LGR6: variants seen among roughly 807,000 people sequenced by gnomAD.
The protein encoded by LGR6 is leucine rich repeat containing G protein-coupled receptor 6, also known as leucine-rich repeat-containing G protein-coupled receptor 6.
LGR6 carries 45 observed loss-of-function variants against 69.4 expected under a neutral mutation model. The observed-to-expected ratio is 0.65, with a 90% CI of 0.51 to 0.83. The LOEUF (loss-of-function observed/expected upper bound fraction) is 0.83, where lower values mean the gene tolerates loss of function less well. Among genes scored for constraint, LGR6 ranks in the 40% least tolerant of loss-of-function variants. The pLI is 0.00. For synonymous variants in LGR6, 538 were observed against 555.0 expected (o/e 0.97, Z 0.43); for missense variants, 1,108 against 1,246.7 (o/e 0.89, Z 1.68).
chr1:202,255,350 C>T (rs572250574), intron 4 of LGR6, among the ~76,000 whole-genome samples: 7 of 152,128 alleles, frequency 4.6e-5, no homozygotes, highest in South Asian at 4.1e-4. Context: ...TCAGGAGGAG[C>T]GGGCATGGCC....
chr1:202,302,044 G>C (rs559738605), intron 9 of LGR6, among the ~76,000 whole-genome samples: 1 of 151,884 alleles, frequency 6.6e-6, no homozygotes, highest in Non-Finnish European at 1.5e-5. Context: ...AAAATTAGCC[G>C]GACGTGGTGG....
chr1:202,304,227 C>T (rs1667812214), intron 10 of LGR6, among the ~76,000 whole-genome samples: 1 of 152,136 alleles, frequency 6.6e-6, no homozygotes, highest in African/African-American at 2.4e-5. Flanking sequence ...GATTTGTGTC[C>T]CTGTCCTACA....
intron 1 of LGR6, among the ~76,000 whole-genome samples, chr1:202,208,085 T>C (rs1571813317): frequency 6.6e-6 from 1 of 152,286 alleles, no homozygotes; most frequent in South Asian, 2.1e-4. Context: ...AGTTTTTCTC[T>C]GTCCTGTGGA....
chr1:202,232,115 AG>A (rs1661136579), intron 3 of LGR6, among the ~76,000 whole-genome samples: 1 of 138,312 alleles, frequency 7.2e-6, no homozygotes, highest in Admixed American at 7.3e-5. Flanking sequence ...AAAAAAAAAA[AG>A]CATTTTGTGC....
chr1:202,250,884 C>G (rs1480880027), intron 4 of LGR6, among the ~76,000 whole-genome samples: 1 of 152,192 alleles, frequency 6.6e-6, no homozygotes, highest in Non-Finnish European at 1.5e-5. Flanking sequence ...TGAATTTAAA[C>G]TCAAGTATGT....
In LGR6 at chr1:202,312,212, TCCAG is replaced by T. The variant is rs1653798725; in HGVS notation, c.1567+1860_1567+1863del. On this transcript the variant is annotated intron_variant, in intron 16 of 17. Coordinates refer to ENST00000367278, the MANE Select transcript of LGR6 (RefSeq NM_001017403.2). ...GAGAAGGAAAGCCAGGAGCTGCTGC[TCCAG>T]CCAGATTCGATTTCCTCCTCGTTTG... Among the ~76,000 whole-genome samples, 4 of 152,358 alleles carry T rather than the reference TCCAG, an allele frequency of 2.6e-5. No homozygotes were observed. In the South Asian group the frequency reaches 8.3e-4, roughly 32 times the overall value.
rs115669856 is a variant in LGR6 at position 202,296,456 on chromosome 1, A to G, written c.717-1052A>G. Reference sequence around the variant, plus strand: ...AAGTACCCTGTAGTTCTTACTCTCTACTTCCCAGTCACTCTGTACTATCTC... The same window carrying G: ...AAGTACCCTGTAGTTCTTACTCTCTGCTTCCCAGTCACTCTGTACTATCTC... On this transcript the variant is annotated intron_variant, in intron 6 of 17. Coordinates refer to ENST00000367278, the MANE Select transcript of LGR6 (RefSeq NM_001017403.2). Among the ~76,000 whole-genome samples the G allele has an allele frequency of 4.4e-3, 674 of 152,300 alleles. 5 individuals are homozygous for G. Among genetic ancestry groups the G allele is most frequent in the African/African-American group, 0.015 (638 of 41,572 alleles).
Position 202,305,749 on chromosome 1 carries a change from TG to T in LGR6, c.1136+1del, listed in dbSNP as rs761162138. 2 of 1,613,976 alleles carry T rather than the reference TG, an allele frequency of 1.2e-6. No individual in the cohort carries two copies. Among genetic ancestry groups the T allele is most frequent in the Non-Finnish European group, 1.7e-6 (2 of 1,179,936 alleles). The stretch of plus-strand genomic sequence containing the variant: ...CACAGGTGTCAGAAATTGGAGGAAA[TG>T]TGAGTCTGGGGTAGGGAAGAGGCAA... On this transcript the variant is annotated splice_donor_variant, in intron 12 of 17. Transcript: ENST00000367278. LOFTEE classifies it high-confidence loss of function.
At position 202,318,051 on chromosome 1, in the gene LGR6, T is replaced by C; in HGVS notation, c.1748T>C (p.Leu583Pro). 6.2e-7 allele frequency: 1 copy of C among 1,614,194 alleles called. No individual in the cohort carries two copies. Among genetic ancestry groups the C allele is most frequent in the Non-Finnish European group, 8.5e-7 (1 of 1,180,030 alleles). Residue 583 changes from leucine (L) to proline (P), a missense_variant, in exon 18 of 18, where the codon CTG becomes CCG. Physicochemically the swap from Leu to Pro is moderately conservative, Grantham distance 98. Coordinates refer to ENST00000367278, the MANE Select transcript of LGR6 (RefSeq NM_001017403.2). The stretch of plus-strand genomic sequence containing the variant: ...TCCGTGCTCTGCAATGGACTGGTGC[T>C]GCTGACCGTGTTCGCTGGCGGGCCT... The part of the protein sequence containing the change: ...LLSVLCNGLV[L>P]LTVFAGGPVP...
At chr1:202,256,931 T>A (rs2148084611) in intron 4 of LGR6, among the ~76,000 whole-genome samples, 1 of 152,346 alleles carries the variant, frequency 6.6e-6, no homozygotes, top group South Asian at 2.1e-4. Context: ...GGTATCTCGT[T>A]GTGGTTCTGA....
At chr1:202,237,819 T>A (rs1207029171) in intron 4 of LGR6, among the ~76,000 whole-genome samples, 1 of 152,148 alleles carries the variant, frequency 6.6e-6, no homozygotes, top group Non-Finnish European at 1.5e-5. Flanking sequence ...CACTGGCCTG[T>A]GTGACAGAAA....
At chr1:202,224,777 G>C (rs998221197) in intron 1 of LGR6, among the ~76,000 whole-genome samples, 1 of 152,262 alleles carries the variant, frequency 6.6e-6, no homozygotes, top group Admixed American at 6.5e-5. Flanking sequence ...TCTATGTTCC[G>C]CCTGGTTTTG....
At chr1:202,206,852 C>G (rs535287356) in intron 1 of LGR6, among the ~76,000 whole-genome samples, 74 of 151,302 alleles carry the variant, frequency 4.9e-4, no homozygotes, top group African/African-American at 1.8e-3. Context: ...TTACAAGGGG[C>G]CCCACATTTT....
At chr1:202,252,499 C>T (rs369338011) in intron 4 of LGR6, among the ~76,000 whole-genome samples, 63 of 152,280 alleles carry the variant, frequency 4.1e-4, no homozygotes, top group African/African-American at 1.4e-3. Flanking sequence ...GGCTCCTGTA[C>T]GTGAAAGGTA....
chr1:202,310,024 A>AG (rs1653590860), intron 15 of LGR6, among the ~76,000 whole-genome samples, 173 bp from the exon 16 acceptor site: 1 of 152,188 alleles, frequency 6.6e-6, no homozygotes, highest in African/African-American at 2.4e-5. Context: ...TCAGGCTGCA[A>AG]GGCCCTTACA....
intron 4 of LGR6, among the ~76,000 whole-genome samples, chr1:202,256,255 T>A (rs1423514726): frequency 6.6e-6 from 1 of 152,232 alleles, no homozygotes; most frequent in African/African-American, 2.4e-5. Flanking sequence ...TTAATTTTTT[T>A]ATTTTTGAGA....
At chr1:202,304,533 C>A (rs184750982) in intron 10 of LGR6, 26 bp from the exon 11 acceptor site, 5 of 1,578,982 alleles carry the variant, frequency 3.2e-6, no homozygotes, top group Non-Finnish European at 4.3e-6. Context: ...GGCCTGGTGC[C>A]AGCTCTGTCT....
intron 7 of LGR6, 64 bp downstream of exon 7, chr1:202,297,640 C>T: frequency 7.5e-7 from 1 of 1,329,432 alleles, no homozygotes. Context: ...TGAAGCCAGC[C>T]TGAGCTGCCT....
Position 202,268,230 on chromosome 1 carries a change from C to T in LGR6, c.429-8076C>T, listed in dbSNP as rs146538307. Among the ~76,000 whole-genome samples, 537 of 152,332 alleles carry T rather than the reference C, an allele frequency of 3.5e-3. 5 individuals are homozygous for T. Among genetic ancestry groups the T allele is most frequent in the African/African-American group, 0.012 (514 of 41,576 alleles). The stretch of plus-strand genomic sequence containing the variant: ...AGCCCCGTGGCCCTCCGTGCAGAAG[C>T]TGGCACCTGGCACTGGCGGCTGGTG... On this transcript the variant is annotated intron_variant, in intron 4 of 17. Coordinates refer to ENST00000367278, the MANE Select transcript of LGR6 (RefSeq NM_001017403.2). The surrounding 1 kb of genome is among the most constrained non-coding windows in gnomAD (Gnocchi z 4.4).
Sources: allele counts gnomAD v4.1 joint callset (sites outside exome capture counted in the v4.1 genomes callset), GRCh38; gene constraint gnomAD v4.1.1; non-coding constraint Gnocchi (gnomAD v3.1); transcripts MANE v1.5; gene names NCBI Gene and HGNC (gene_info 2026-07-23, HGNC 2026-07-21).